The following CARMIL3 variants were observed in gnomAD, a reference collection of about 807,000 sequenced individuals.
CARMIL3 encodes the protein capping protein regulator and myosin 1 linker 3, also known as capping protein, Arp2/3 and myosin-I linker protein 3.
A neutral mutation model predicts 180.8 loss-of-function variants in CARMIL3; 88 were observed. The observed-to-expected ratio is 0.49, with a 90% confidence interval of 0.41 to 0.58. CARMIL3 has a LOEUF of 0.58. CARMIL3 is among the 20% of genes least tolerant of loss of function. The pLI is 0.00. For synonymous variants in CARMIL3, 696 were observed against 714.5 expected, an observed-to-expected ratio of 0.97 and a Z score of 0.41; for missense variants, 1,548 against 1,787.0, an observed-to-expected ratio of 0.87 and a Z score of 2.41.
rs139165380 is a variant in CARMIL3, at chr14:24,064,997, G to A, written c.3120G>A (p.Ser1040=). The A allele has an allele frequency of 0.012, 19,473 of 1,612,046 alleles. 134 individuals carry two copies. The highest frequency in any genetic ancestry group is 0.015 in the Non-Finnish European group (17,387 of 1,179,540). ...TGAGGACCGTGCGGCCAGGACTCTC[G>A]GAGGCACCGCTGCCTCCACTCCAGA... ...RTLRTVRPGL[S]EAPLPPLQKK... The change falls in exon 33 of 40, where the codon TCG becomes TCA. Residue 1040 remains serine (S), a synonymous_variant. Transcript: ENST00000342740.
In CARMIL3 at chr14:24,054,431, G is replaced by A; in HGVS notation, c.282G>A (p.Met94Ile). The A allele has an allele frequency of 1.9e-6, 3 of 1,614,150 alleles. No individual in the cohort carries two copies. Among genetic ancestry groups the A allele is most frequent in the Non-Finnish European group, 2.5e-6 (3 of 1,180,026 alleles). The change falls in exon 5 of 40, where the codon ATG (methionine) becomes ATA (isoleucine). Residue 94 changes from methionine (M) to isoleucine (I), a missense_variant. Physicochemically the swap from Met to Ile is conservative, Grantham distance 10 (BLOSUM62 1). Transcript: ENST00000342740. The surrounding 1 kb of genome is among the most constrained non-coding windows in gnomAD (Gnocchi z 5.1). ...LVETERGMVS[M>I]RLPSAESVDQ... ...AGACGGAGCGTGGCATGGTGAGCAT[G>A]CGACTGCCATCAGCTGAAAGTGTGG...
Position 24,063,371 on chromosome 14 carries a change from C to T in CARMIL3, c.2817C>T (p.Ile939=), listed in dbSNP as rs944119524. 6.2e-6 allele frequency: 10 copies of T among 1,609,058 alleles called. No homozygotes were observed. Among genetic ancestry groups the T allele is most frequent in the Non-Finnish European group, 8.5e-6 (10 of 1,176,966 alleles). Residue 939 remains isoleucine, a synonymous_variant, in exon 31 of 40, where the codon ATC becomes ATT. Transcript: ENST00000342740. ...AAAGCCAACTGGGGAATCTGGGGAT[C>T]CCCCCTGGCTGGTTCTCAGGACTTG... The part of the protein sequence containing the change: ...DMESQLGNLG[I]PPGWFSGLGG...
chr14:24,057,920 C>G, intron 15 of CARMIL3, 40 bp from the exon 16 acceptor site: 2 of 1,612,884 alleles, frequency 1.2e-6, no homozygotes, highest in Non-Finnish European at 1.7e-6. Context: ...CAAGACATGG[C>G]CAACCCCCTC....
At position 24,052,166 on chromosome 14, in the gene CARMIL3, A is replaced by G; in HGVS notation, c.13A>G (p.Ser5Gly). 2 of 1,590,924 alleles carry G rather than the reference A, an allele frequency of 1.3e-6. No homozygotes were observed. The highest frequency in any genetic ancestry group is 1.7e-6 in the Non-Finnish European group (2 of 1,173,286). MAKPSVELTRELQDS... is the reference protein window; with the variant it reads MAKPGVELTRELQDS... ...AGCAGCGGCCGCCATGGCCAAGCCC[A>G]GCGTGGAGCTCACCCGCGAGTTGCA... The change falls in exon 1 of 40, where the codon AGC becomes GGC. Residue 5 changes from serine (S) to glycine (G), a missense_variant. Coordinates refer to ENST00000342740, the MANE Select transcript of CARMIL3 (RefSeq NM_138360.4).
Position 24,069,200 on chromosome 14 carries a change from C to T in CARMIL3, c.4046C>T (p.Ser1349Phe). 1 of 1,614,006 alleles carries T rather than the reference C, an allele frequency of 6.2e-7. No homozygotes were observed. The highest frequency in any genetic ancestry group is 1.1e-5 in the South Asian group (1 of 91,082). The change falls in exon 39 of 40, where the codon TCC becomes TTC. Residue 1349 changes from serine to phenylalanine, a missense_variant. Transcript: ENST00000342740. The part of the protein sequence containing the change: ...LKPKRTRRAQ[S>F]CDKLEPDRRR... ...CCCAAGAGGACACGGCGGGCACAGT[C>T]CTGTGACAAGCTGGAACCTGATAGA... is the stretch of plus-strand genomic sequence containing the variant.
In CARMIL3 at chr14:24,055,799, G is replaced by A. The variant is rs377267452; in HGVS notation, c.770+10G>A. ...ACGCCGGGCTTAAGACGTGAGGCCA[G>A]TCTCCTCCTTGGGCAGTAGTGCACC... On this transcript the variant is annotated intron_variant, in intron 10 of 39. Transcript: ENST00000342740. 18 of 1,613,582 alleles carry A rather than the reference G, an allele frequency of 1.1e-5. No individual in the cohort carries two copies. Among genetic ancestry groups the A allele is most frequent in the Non-Finnish European group, 1.4e-5 (17 of 1,179,674 alleles).
chr14:24,053,865 G>A, intron 2 of CARMIL3, 62 bp downstream of exon 2: 1 of 1,447,868 alleles, frequency 6.9e-7, no homozygotes, highest in Non-Finnish European at 9.5e-7. Flanking sequence ...GGCCAGTAGA[G>A]GGCAGGGAGC....
chr14:24,056,861 G>A (rs2035676750), intron 12 of CARMIL3, 54 bp from the exon 13 acceptor site: 2 of 1,577,450 alleles, frequency 1.3e-6, no homozygotes, highest in Non-Finnish European at 1.7e-6. Flanking sequence ...GTTATGTGCT[G>A]AGGGGAAGAG....
rs1303583159 is a variant in CARMIL3 at position 24,054,149 on chromosome 14, C to G, written c.186+11C>G. ...AAAGTCCCGGCCAAGGTGAGTTGGG[C>G]TGAGGAGCAGGAGAGCACCTGGCAT... is the stretch of plus-strand genomic sequence containing the variant. On this transcript the variant is annotated intron_variant, in intron 3 of 39. Transcript: ENST00000342740. This position sits in a 1 kb window ranked among gnomAD's most constrained non-coding sequence, Gnocchi z 5.1. The G allele has an allele frequency of 2.5e-6, 4 of 1,614,024 alleles. No individual in the cohort carries two copies. The highest frequency in any genetic ancestry group is 3.4e-6 in the Non-Finnish European group (4 of 1,180,004).
intron 31 of CARMIL3, 80 bp downstream of exon 31, chr14:24,063,613 T>C (rs886194619): frequency 2.2e-6 from 3 of 1,385,064 alleles, no homozygotes; most frequent in Admixed American, 4.3e-5. Context: ...AGGACCCAAA[T>C]GCCAGAGACA....
rs779315186 is a variant in CARMIL3, at chr14:24,054,344, G to C, written c.246+43G>C. 6.2e-7 allele frequency: 1 copy of C among 1,614,014 alleles called. No individual in the cohort carries two copies. The highest frequency in any genetic ancestry group is 1.7e-5 in the Admixed American group (1 of 60,022). ...GGGCCCCACTACTGGGCCAGCTGGA[G>C]GAGGGAGCAGAGAGGAGGGAGTCTG... On this transcript the variant is annotated intron_variant, in intron 4 of 39. Transcript: ENST00000342740. The surrounding 1 kb of genome is among the most constrained non-coding windows in gnomAD (Gnocchi z 5.1).
Position 24,055,305 on chromosome 14 carries a change from G to A in CARMIL3, c.600G>A (p.Glu200=), listed in dbSNP as rs747589019. Residue 200 remains glutamate (E), a synonymous_variant, in exon 8 of 40, where the codon GAG becomes GAA. Transcript: ENST00000342740. ...ATCTTTTGGATTTCAGCCACTTGGA[G>A]AGCCGGTAAGCAGATGGGGCAGAGA... ...EFNLLDFSHL[E]SRDLALMVAA... 1.9e-5 allele frequency: 31 copies of A among 1,613,974 alleles called. No individual in the cohort carries two copies. In the African/African-American group the frequency reaches 3.5e-4, roughly 18 times the overall value.
In CARMIL3 at chr14:24,059,973, C is replaced by T; in HGVS notation, c.1872C>T (p.Asn624=). ...GCTGTGCCCCTGTGTCCCACAGCAA[C>T]CACACGCTGCGCTTCATGTCCTTCC... is the stretch of plus-strand genomic sequence containing the variant. ...FLDIARALES[N]HTLRFMSFPV... is the part of the protein sequence containing the mutation. Residue 624 remains asparagine (N), a synonymous_variant, in exon 23 of 40, where the codon AAC becomes AAT. Coordinates refer to ENST00000342740, the MANE Select transcript of CARMIL3 (RefSeq NM_138360.4). The surrounding 1 kb of genome is among the most constrained non-coding windows in gnomAD (Gnocchi z 6.3). The T allele has an allele frequency of 6.2e-7, 1 of 1,613,950 alleles. No homozygotes were observed. The highest frequency in any genetic ancestry group is 8.5e-7 in the Non-Finnish European group (1 of 1,179,984).
chr14:24,054,126 A>G lies in CARMIL3; in HGVS notation c.174A>G (p.Lys58=). Residue 58 remains lysine (K), a synonymous_variant, in exon 3 of 40, where the codon AAA becomes AAG. Transcript: ENST00000342740. This position sits in a 1 kb window ranked among gnomAD's most constrained non-coding sequence, Gnocchi z 5.1. Reference sequence around the variant, plus strand: ...GGCGCCTCCACCTCTTCCTCCTTAAAGTCCCGGCCAAGGTGAGTTGGGCTG... The same window carrying G: ...GGCGCCTCCACCTCTTCCTCCTTAAGGTCCCGGCCAAGGTGAGTTGGGCTG... ...TSWRLHLFLL[K]VPAKVESSFN... is the part of the protein sequence containing the mutation. 2 of 1,614,126 alleles carry G rather than the reference A, an allele frequency of 1.2e-6. No homozygotes were observed. Among genetic ancestry groups the G allele is most frequent in the Non-Finnish European group, 1.7e-6 (2 of 1,180,016 alleles).
In CARMIL3 at chr14:24,058,077, C is replaced by T. The variant is rs1320945983; in HGVS notation, c.1322+13C>T. 1.2e-6 allele frequency: 2 copies of T among 1,613,738 alleles called. No individual in the cohort carries two copies. Among genetic ancestry groups the T allele is most frequent in the Admixed American group, 1.7e-5 (1 of 60,028 alleles). On this transcript the variant is annotated intron_variant, in intron 16 of 39. Coordinates refer to ENST00000342740, the MANE Select transcript of CARMIL3 (RefSeq NM_138360.4). The surrounding 1 kb of genome is among the most constrained non-coding windows in gnomAD (Gnocchi z 6.4). ...TGGAGGCCCTCAGGTCGGGTGGGTG[C>T]AGGGTTGGGGGCGCATCCAAGGGAA...
In CARMIL3 at chr14:24,063,406, A is replaced by T; in HGVS notation, c.2852A>T (p.Gln951Leu). 1 of 1,613,760 alleles carries T rather than the reference A, an allele frequency of 6.2e-7. No individual in the cohort carries two copies. Among genetic ancestry groups the T allele is most frequent in the South Asian group, 1.1e-5 (1 of 91,046 alleles). ...TGGTTCTCAGGACTTGGGGGCAGCCAGCCCACAGCTAGTGGCTCCTGGGAA... is the reference window on the plus strand; with the variant it reads ...TGGTTCTCAGGACTTGGGGGCAGCCTGCCCACAGCTAGTGGCTCCTGGGAA... ...PGWFSGLGGS[Q>L]PTASGSWEGL... is the part of the protein sequence containing the mutation. Residue 951 changes from glutamine to leucine, a missense_variant, in exon 31 of 40, where the codon CAG becomes CTG. Physicochemically the swap from Gln to Leu is moderately radical, Grantham distance 113. Transcript: ENST00000342740.
At chr14:24,066,747 A>T (rs1046739918) in intron 36 of CARMIL3, 91 bp downstream of exon 36, 40 of 1,354,220 alleles carry the variant, frequency 3.0e-5, no homozygotes, top group Non-Finnish European at 4.0e-5. Flanking sequence ...TGGGGAATTT[A>T]TGGCCAAGGT....
In CARMIL3 at chr14:24,064,437, A is replaced by G. The variant is rs982162876; in HGVS notation, c.3080+91A>G. ...TCCCAGCTCCCATGGGAGTCTCCAT[A>G]ACAGCAGTGCCCAAAGCCAGTCTCT... On this transcript the variant is annotated intron_variant, in intron 32 of 39. Coordinates refer to ENST00000342740, the MANE Select transcript of CARMIL3 (RefSeq NM_138360.4). The G allele has an allele frequency of 2.0e-4, 188 of 920,550 alleles. 2 individuals carry two copies. In the Middle Eastern group the frequency reaches 2.7e-3, roughly 13 times the overall value. The allele number at this position is 920,550 out of a possible 1,614,324, so 57.0% of individuals were successfully genotyped here. A position where few individuals can be genotyped will look rare whatever the true frequency, so the allele number is the denominator to read the frequency against.
Position 24,055,760 on chromosome 14 carries a change from G to C in CARMIL3, c.741G>C (p.Glu247Asp), listed in dbSNP as rs776629002. The C allele has an allele frequency of 6.2e-7, 1 of 1,613,976 alleles. No homozygotes were observed. Among genetic ancestry groups the C allele is most frequent in the African/African-American group, 1.3e-5 (1 of 74,892 alleles). ...TAAGCAAGTCGGGGAGCCTCGAAGA[G>C]CTGGTGCTGGACAACGCCGGGCTTA... ...HTLSKSGSLEELVLDNAGLKT... is the reference protein window; with the variant it reads ...HTLSKSGSLEDLVLDNAGLKT... Residue 247 changes from glutamate to aspartate, a missense_variant, in exon 10 of 40, where the codon GAG (glutamate) becomes GAC (aspartate). By Grantham distance (45) the Glu-to-Asp change is conservative. Transcript: ENST00000342740.
Sources: allele counts gnomAD v4.1 joint callset, GRCh38; gene constraint gnomAD v4.1.1; non-coding constraint Gnocchi (gnomAD v3.1); transcripts MANE v1.5; gene names NCBI Gene and HGNC (gene_info 2026-07-23, HGNC 2026-07-21).